The following MSRA variants were observed in gnomAD, a reference collection of about 807,000 sequenced individuals.
The protein encoded by MSRA is methionine sulfoxide reductase A.
In MSRA, 54 loss-of-function variants were observed where a neutral mutation model predicts 31.3. That is an observed-to-expected ratio of 1.73 (90% confidence interval 1.39 to 2.17). The LOEUF (loss-of-function observed/expected upper bound fraction) is 2.17. Among genes scored for constraint, MSRA ranks in the 30% most tolerant of loss-of-function variants. MSRA has a pLI of 0.00. For synonymous variants in MSRA, 169 were observed against 116.5 expected, an observed-to-expected ratio of 1.45 and a Z score of -2.90; for missense variants, 507 against 300.9, an observed-to-expected ratio of 1.69 and a Z score of -5.07.
chr8:10,244,592 TA>T (rs1797514687), intron 2 of MSRA, among the ~76,000 whole-genome samples: 1 of 152,186 alleles, frequency 6.6e-6, no homozygotes, highest in Non-Finnish European at 1.5e-5. Context: ...TTATAGTGAT[TA>T]AAAAAATGAA....
chr8:10,283,482 TTG>T (rs1799744195), intron 3 of MSRA, among the ~76,000 whole-genome samples: 1 of 151,970 alleles, frequency 6.6e-6, no homozygotes, highest in African/African-American at 2.4e-5. Context: ...CAGGTGGTAT[TTG>T]GTTACATGAG....
Position 10,054,485 on chromosome 8 carries a change from C to A in MSRA, c.-32C>A. On this transcript the variant is annotated 5_prime_UTR_variant, in exon 1 of 6. Coordinates refer to ENST00000317173, the MANE Select transcript of MSRA (RefSeq NM_012331.5). ...CGGCTCCGCTGCCGGTAGCGCCGTC[C>A]CCCGGGACCACCCTTCGGCTGGCGC... 2 of 1,552,264 alleles carry A rather than the reference C, an allele frequency of 1.3e-6. No homozygotes were observed. Among genetic ancestry groups the A allele is most frequent in the South Asian group, 1.2e-5 (1 of 85,810 alleles).
At chr8:10,404,633 G>T (rs147272516) in intron 5 of MSRA, among the ~76,000 whole-genome samples, 43 of 152,366 alleles carry the variant, frequency 2.8e-4, no homozygotes, top group African/African-American at 9.6e-4. Context: ...GGGCTTGCTG[G>T]CAGGCTGTGC....
intron 1 of MSRA, among the ~76,000 whole-genome samples, chr8:10,180,323 G>T (rs989032389): frequency 2.0e-5 from 3 of 152,220 alleles, no homozygotes; most frequent in African/African-American, 4.8e-5. Context: ...TGGAAGGGGT[G>T]CAGAGCTTCC....
chr8:10,325,713 C>G (rs1043006457), intron 5 of MSRA, among the ~76,000 whole-genome samples: 1 of 152,176 alleles, frequency 6.6e-6, no homozygotes, highest in Non-Finnish European at 1.5e-5. Flanking sequence ...TAGCCTTTAC[C>G]TTAAAAAGTT....
intron 2 of MSRA, among the ~76,000 whole-genome samples, chr8:10,225,885 G>A (rs1243098967): frequency 6.6e-6 from 1 of 152,192 alleles, no homozygotes; most frequent in African/African-American, 2.4e-5. Flanking sequence ...AAAATGGTTG[G>A]GAGATAGGAA....
At chr8:10,358,551 G>A (rs1267307757) in intron 5 of MSRA, among the ~76,000 whole-genome samples, 3 of 131,286 alleles carry the variant, frequency 2.3e-5, no homozygotes, top group African/African-American at 5.7e-5. Flanking sequence ...TCAGATCAGC[G>A]GCAGCATTAG....
At chr8:10,079,581 C>T (rs539645432) in intron 1 of MSRA, among the ~76,000 whole-genome samples, 2 of 152,344 alleles carry the variant, frequency 1.3e-5, no homozygotes, top group African/African-American at 4.8e-5. Context: ...ACTGACTGGT[C>T]TTAAGTGTCA....
chr8:10,317,611 TAGAGTAC>T (rs1801800994), intron 4 of MSRA, among the ~76,000 whole-genome samples: 1 of 152,208 alleles, frequency 6.6e-6, no homozygotes, highest in Non-Finnish European at 1.5e-5. Flanking sequence ...AATCAGTTTA[TAGAGTAC>T]TATGGAAGCA....
At chr8:10,145,172 A>G (rs1417913372) in intron 1 of MSRA, among the ~76,000 whole-genome samples, 2 of 152,220 alleles carry the variant, frequency 1.3e-5, no homozygotes, top group Non-Finnish European at 2.9e-5. Flanking sequence ...CTCCAGGGAC[A>G]GGCAGGGCCT....
At chr8:10,213,168 G>A (rs985470248) in intron 2 of MSRA, among the ~76,000 whole-genome samples, 12 of 151,786 alleles carry the variant, frequency 7.9e-5, no homozygotes, top group Non-Finnish European at 1.5e-4. Flanking sequence ...ATCCATTAAC[G>A]ATCCCCACCT....
intron 5 of MSRA, among the ~76,000 whole-genome samples, chr8:10,346,581 G>A (rs1279105501): frequency 2.0e-5 from 3 of 152,210 alleles, no homozygotes; most frequent in Non-Finnish European, 4.4e-5. Flanking sequence ...GAGACTGAAA[G>A]GCAAGCGGAA....
intron 5 of MSRA, among the ~76,000 whole-genome samples, chr8:10,387,808 A>G (rs1052275418): frequency 6.6e-5 from 10 of 152,254 alleles, no homozygotes; most frequent in African/African-American, 1.7e-4. Flanking sequence ...TCTTAAGACA[A>G]TTGCTTTTTT....
chr8:10,171,297 A>G (rs1032006818), intron 1 of MSRA, among the ~76,000 whole-genome samples: 3 of 151,320 alleles, frequency 2.0e-5, no homozygotes, highest in African/African-American at 7.3e-5. Context: ...TTATTCCTGT[A>G]CACTCCCTAG....
At chr8:10,386,760 T>TA (rs751144704) in intron 5 of MSRA, among the ~76,000 whole-genome samples, 3 of 151,326 alleles carry the variant, frequency 2.0e-5, no homozygotes, top group Non-Finnish European at 4.4e-5. Context: ...GTTCTACTTC[T>TA]AAAAATGAGG....
intron 1 of MSRA, among the ~76,000 whole-genome samples, chr8:10,063,381 G>C (rs1419100194): frequency 3.3e-5 from 5 of 152,196 alleles, no homozygotes; most frequent in African/African-American, 7.2e-5. Context: ...CAGCGACTTG[G>C]ACCTGTCCAA....
chr8:10,148,489 A>G (rs1424048765), intron 1 of MSRA, among the ~76,000 whole-genome samples: 1 of 152,038 alleles, frequency 6.6e-6, no homozygotes, highest in Non-Finnish European at 1.5e-5. Flanking sequence ...TCTACTAAAA[A>G]TACAAAAATT....
chr8:10,109,374 C>T (rs942907332), intron 1 of MSRA, among the ~76,000 whole-genome samples: 1 of 150,760 alleles, frequency 6.6e-6, no homozygotes, highest in African/African-American at 2.4e-5. Flanking sequence ...TGGGGTCTTA[C>T]TCTGTCACCC....
At chr8:10,165,915 C>T (rs916986802) in intron 1 of MSRA, among the ~76,000 whole-genome samples, 4 of 152,118 alleles carry the variant, frequency 2.6e-5, no homozygotes, top group African/African-American at 7.2e-5. Flanking sequence ...AGGAGGAAAT[C>T]GAGGCACAGA....
Sources: gnomAD v4.1 joint callset for allele counts (sites outside exome capture counted in the v4.1 genomes callset) on GRCh38, gnomAD v4.1.1 for gene constraint, MANE v1.5 for transcripts, NCBI Gene and HGNC (gene_info 2026-07-23, HGNC 2026-07-21) for gene names.